Variants in OPCML observed in about 807,000 individuals in gnomAD.
OPCML encodes the protein opioid binding protein/cell adhesion molecule like.
Under a neutral mutation model 37.8 loss-of-function variants are expected in OPCML, and 13 were observed. That is an observed-to-expected ratio of 0.34 (90% CI 0.22 to 0.55). The LOEUF is 0.55. OPCML is among the 20% of genes least tolerant of loss of function. The pLI, the probability that OPCML is intolerant of heterozygous loss-of-function variation, is 0.91. For missense variants in OPCML, 341 were observed against 435.6 expected (o/e 0.78, Z 1.93); for synonymous variants, 176 against 168.8 (o/e 1.04, Z -0.33).
At chr11:132,629,993 C>T (rs773817328) in intron 3 of OPCML, among the ~76,000 whole-genome samples, 1 of 152,104 alleles carries the variant, frequency 6.6e-6, no homozygotes, top group African/African-American at 2.4e-5. Flanking sequence ...GGTCATTTTT[C>T]AATGACTATA....
chr11:132,574,324 A>G (rs1158279745), intron 3 of OPCML, among the ~76,000 whole-genome samples: 1 of 131,010 alleles, frequency 7.6e-6, no homozygotes, highest in African/African-American at 3.2e-5. Flanking sequence ...TTCTTTTTCT[A>G]ACTCCTAGAG....
intron 1 of OPCML, among the ~76,000 whole-genome samples, chr11:133,505,279 C>T (rs537409738): frequency 5.3e-5 from 8 of 152,278 alleles, no homozygotes; most frequent in East Asian, 1.9e-4. Flanking sequence ...AGAAGGGGGC[C>T]GGAGGCCTCC....
chr11:132,886,429 G>A (rs1046809704), intron 2 of OPCML, among the ~76,000 whole-genome samples: 3 of 152,200 alleles, frequency 2.0e-5, no homozygotes, highest in African/African-American at 7.2e-5. Flanking sequence ...AGGGCTTGCA[G>A]TGTGCACAAT....
At chr11:133,015,318 A>G (rs1947299858) in intron 1 of OPCML, among the ~76,000 whole-genome samples, 1 of 144,370 alleles carries the variant, frequency 6.9e-6, no homozygotes, top group African/African-American at 2.5e-5. Context: ...TTATGAAGAA[A>G]GAAAGGAAAA....
At chr11:133,504,274 G>A (rs913985950) in intron 1 of OPCML, among the ~76,000 whole-genome samples, 4 of 152,212 alleles carry the variant, frequency 2.6e-5, no homozygotes, top group African/African-American at 9.7e-5. Context: ...CATATGGTTT[G>A]CAAGCTAAGA....
chr11:132,889,919 T>G (rs1287820081), intron 2 of OPCML, among the ~76,000 whole-genome samples: 1 of 152,236 alleles, frequency 6.6e-6, no homozygotes, highest in Non-Finnish European at 1.5e-5. Context: ...AACACAAGCA[T>G]AGACACCGTT....
intron 1 of OPCML, among the ~76,000 whole-genome samples, chr11:133,056,860 T>C (rs1948249008): frequency 6.6e-6 from 1 of 152,226 alleles, no homozygotes; most frequent in African/African-American, 2.4e-5. Context: ...TTATTTATTT[T>C]GAGACGGAAT....
chr11:133,297,542 C>G (rs991068063), intron 1 of OPCML: 2 of 152,150 alleles, frequency 1.3e-5, no homozygotes, highest in Non-Finnish European at 2.9e-5. Context: ...GTCCCAGCTG[C>G]CTTAATGATT....
At chr11:133,175,895 C>G (rs2136277493) in intron 1 of OPCML, among the ~76,000 whole-genome samples, 1 of 152,178 alleles carries the variant, frequency 6.6e-6, no homozygotes, top group South Asian at 2.1e-4. Flanking sequence ...AAAGTCGTGC[C>G]TGTGGTTATG....
At position 132,853,646 on chromosome 11, in the gene OPCML, T is replaced by C. The variant is rs377214376; in HGVS notation, c.146+89280A>G. ...AGCCTTAAGCCTCTAGTATACTTTC[T>C]GTTTTCATAGATTTGCCTTTTCTGG... On this transcript the variant is annotated intron_variant, in intron 2 of 7. Coordinates refer to ENST00000524381, the MANE Select transcript of OPCML (RefSeq NM_001012393.5). Among the ~76,000 whole-genome samples the C allele has an allele frequency of 2.0e-4, 31 of 152,332 alleles. No homozygotes were observed. In the East Asian group the frequency reaches 4.8e-3, roughly 24 times the overall value.
intron 1 of OPCML, among the ~76,000 whole-genome samples, chr11:133,042,168 G>C (rs923774264): frequency 1.3e-5 from 2 of 152,152 alleles, no homozygotes; most frequent in Non-Finnish European, 2.9e-5. Flanking sequence ...GCAGGCTCCT[G>C]GCACTGCACA....
chr11:133,250,368 A>G (rs1197835570), intron 1 of OPCML, among the ~76,000 whole-genome samples: 1 of 151,954 alleles, frequency 6.6e-6, no homozygotes, highest in African/African-American at 2.4e-5. Flanking sequence ...ATACACTTTC[A>G]GCCAAAAAGA....
chr11:133,515,795 A>G (rs1948257176), intron 1 of OPCML, among the ~76,000 whole-genome samples: 1 of 151,982 alleles, frequency 6.6e-6, no homozygotes, highest in Admixed American at 6.5e-5. Flanking sequence ...CTCAAGGGTC[A>G]AGGCAGGGTC....
chr11:133,505,996 A>G (rs1047133377), intron 1 of OPCML, among the ~76,000 whole-genome samples: 2 of 152,192 alleles, frequency 1.3e-5, no homozygotes, highest in African/African-American at 4.8e-5. Context: ...ACCATGCACA[A>G]AATAAGCCTC....
intron 2 of OPCML, among the ~76,000 whole-genome samples, chr11:132,838,272 G>A (rs1941127790): frequency 6.6e-6 from 1 of 152,116 alleles, no homozygotes; most frequent in Admixed American, 6.5e-5. Flanking sequence ...GAGAAACAAG[G>A]CAATTAATAA....
intron 4 of OPCML, among the ~76,000 whole-genome samples, chr11:132,510,641 C>G (rs2137177204): frequency 6.6e-6 from 1 of 152,284 alleles, no homozygotes; most frequent in South Asian, 2.1e-4. Flanking sequence ...CTCATTTTCT[C>G]TTGCTGCCAC....
chr11:132,596,162 A>C (rs1163991185), intron 3 of OPCML, among the ~76,000 whole-genome samples: 1 of 152,190 alleles, frequency 6.6e-6, no homozygotes, highest in African/African-American at 2.4e-5. Flanking sequence ...GAATGAGAAA[A>C]TAAAGCTAAA....
chr11:132,682,448 AT>A (rs1343124668), intron 2 of OPCML, among the ~76,000 whole-genome samples: 9 of 152,210 alleles, frequency 5.9e-5, no homozygotes, highest in African/African-American at 2.2e-4. Flanking sequence ...AACTGTTAAG[AT>A]GCTAAAAGGG....
chr11:132,528,433 A>G (rs1448976413), intron 4 of OPCML, among the ~76,000 whole-genome samples: 1 of 152,146 alleles, frequency 6.6e-6, no homozygotes. Flanking sequence ...ACTTGGGGCA[A>G]GTTTTATTTC....
Sources: allele counts gnomAD v4.1 joint callset (sites outside exome capture counted in the v4.1 genomes callset), GRCh38; gene constraint gnomAD v4.1.1; transcripts MANE v1.5; gene names NCBI Gene and HGNC (gene_info 2026-07-23, HGNC 2026-07-21).